The following RSPH14 variants were observed in gnomAD, a reference collection of about 807,000 sequenced individuals.
The protein encoded by RSPH14 is radial spoke head 14 homolog.
RSPH14 carries 20 observed loss-of-function variants against 26.7 expected under a neutral mutation model. The ratio of observed to expected loss-of-function variants is 0.75; its 90% CI spans 0.53 to 1.09. The LOEUF (loss-of-function observed/expected upper bound fraction) is 1.09. Ranked by LOEUF, RSPH14 falls within the 50% of genes least tolerant of loss-of-function variation. RSPH14 has a pLI of 0.00. For missense variants in RSPH14, 449 were observed against 457.2 expected, an observed-to-expected ratio of 0.98 and a Z score of 0.16; for synonymous variants, 177 against 189.3, an observed-to-expected ratio of 0.93 and a Z score of 0.53.
At chr22:23,159,318 C>A in the RSPH14 span, 43 of 1,435,624 alleles carry the variant, frequency 3.0e-5, no homozygotes, top group African/African-American at 2.5e-4. Flanking sequence ...TCCTGTGGGG[C>A]CTGCCATGCA....
chr22:23,110,124 G>A (rs1377021291), intron 4 of RSPH14, among the ~76,000 whole-genome samples: 1 of 152,240 alleles, frequency 6.6e-6, no homozygotes, highest in Non-Finnish European at 1.5e-5. Flanking sequence ...AGCAGTGGGA[G>A]GATGACCAGG....
At chr22:23,114,006 A>T (rs1377109757) in intron 4 of RSPH14, among the ~76,000 whole-genome samples, 1 of 152,190 alleles carries the variant, frequency 6.6e-6, no homozygotes, top group African/African-American at 2.4e-5. Flanking sequence ...CCACAAAGGG[A>T]GGCCCAGAGG....
intron 4 of RSPH14, among the ~76,000 whole-genome samples, chr22:23,078,190 G>A (rs945435341): frequency 6.6e-6 from 1 of 152,244 alleles, no homozygotes; most frequent in Non-Finnish European, 1.5e-5. Context: ...GATATGCTGT[G>A]CAAACATATT....
At chr22:23,096,585 G>A (rs2069131660) in intron 4 of RSPH14, among the ~76,000 whole-genome samples, 1 of 152,204 alleles carries the variant, frequency 6.6e-6, no homozygotes, top group South Asian at 2.1e-4. Context: ...GGGGGCAGAG[G>A]GAACAGGGTG....
chr22:23,095,630 C>A (rs2069102055), intron 4 of RSPH14: 1 of 1,526,972 alleles, frequency 6.5e-7, no homozygotes, highest in Non-Finnish European at 8.8e-7. Flanking sequence ...GTCTCAGTGT[C>A]CCCTGTGGCA....
intron 4 of RSPH14, among the ~76,000 whole-genome samples, chr22:23,133,615 A>G (rs1012161817): frequency 6.6e-6 from 1 of 152,052 alleles, no homozygotes; most frequent in Non-Finnish European, 1.5e-5. Context: ...CTTAAGACAG[A>G]GTCTCGCACT....
chr22:23,092,742 G>T (rs1024228431), intron 4 of RSPH14, among the ~76,000 whole-genome samples: 3 of 152,204 alleles, frequency 2.0e-5, no homozygotes, highest in Admixed American at 6.5e-5. Flanking sequence ...CAGCCTTGGA[G>T]CCAGGGAGCA....
At chr22:23,155,892 C>G in the RSPH14 span, 24 of 1,380,006 alleles carry the variant, frequency 1.7e-5, no homozygotes, top group Non-Finnish European at 2.3e-5. Flanking sequence ...ACCCATGGTC[C>G]CGTAGCCTGT....
the RSPH14 span, chr22:23,157,982 G>A: frequency 5.0e-6 from 8 of 1,614,048 alleles, no homozygotes; most frequent in East Asian, 4.5e-5. Context: ...GGCTTTTTCC[G>A]GGTGTCTAGT....
At chr22:23,141,796 C>G (rs1316932792) in intron 1 of RSPH14, among the ~76,000 whole-genome samples, 153 bp downstream of exon 1, 1 of 152,204 alleles carries the variant, frequency 6.6e-6, no homozygotes, top group Non-Finnish European at 1.5e-5. Flanking sequence ...AGACAGGGGC[C>G]TGCCTTCTTC....
At chr22:23,153,777 A>G in the RSPH14 span, among the ~76,000 whole-genome samples, 1 of 142,106 alleles carries the variant, frequency 7.0e-6, no homozygotes, top group African/African-American at 2.7e-5. Flanking sequence ...GCTCACTGCA[A>G]CCTCCACTTC....
At chr22:23,080,737 G>T (rs1020859486) in intron 4 of RSPH14, among the ~76,000 whole-genome samples, 3 of 152,232 alleles carry the variant, frequency 2.0e-5, no homozygotes, top group African/African-American at 7.2e-5. Context: ...TTTCATGTGC[G>T]TATGCTCTCA....
upstream of RSPH14, chr22:23,145,139 T>A (rs1005985334): frequency 1.7e-6 from 1 of 585,950 alleles, no homozygotes; most frequent in Non-Finnish European, 3.0e-6. Flanking sequence ...TCTTATGCCA[T>A]AACCGCCCAA....
the RSPH14 span, chr22:23,153,557 G>A: frequency 1.0e-6 from 1 of 985,172 alleles, no homozygotes; most frequent in African/African-American, 1.7e-5. Flanking sequence ...GTCCCTGCAT[G>A]CCAGGCTTGG....
the RSPH14 span, among the ~76,000 whole-genome samples, chr22:23,155,219 C>T: frequency 6.6e-6 from 1 of 152,156 alleles, no homozygotes; most frequent in Non-Finnish European, 1.5e-5. Context: ...ATCAGTTGAC[C>T]TCAAAAAGCG....
At chr22:23,063,039 T>C (rs1806062907) in intron 5 of RSPH14, among the ~76,000 whole-genome samples, 1 of 151,984 alleles carries the variant, frequency 6.6e-6, no homozygotes. Context: ...ACAGTGGACA[T>C]GGGAGGACAG....
At chr22:23,141,369 G>GAC (rs373529565) in intron 1 of RSPH14, among the ~76,000 whole-genome samples, 2,644 of 148,642 alleles carry the variant, frequency 0.018, 35 homozygotes, top group Middle Eastern at 0.1. Context: ...TTTTATTGCC[G>GAC]ACACACACAC....
chr22:23,157,005 C>T, the RSPH14 span, among the ~76,000 whole-genome samples: 9 of 152,322 alleles, frequency 5.9e-5, no homozygotes, highest in South Asian at 6.2e-4. Flanking sequence ...AGCCCCTGTC[C>T]GGCCCTGGTC....
intron 4 of RSPH14, among the ~76,000 whole-genome samples, chr22:23,098,331 C>G (rs2069184035): frequency 6.6e-6 from 1 of 152,190 alleles, no homozygotes; most frequent in South Asian, 2.1e-4. Flanking sequence ...TCTGACCTAG[C>G]CCGGCACCTG....
Sources: allele counts gnomAD v4.1 joint callset (sites outside exome capture counted in the v4.1 genomes callset), GRCh38; gene constraint gnomAD v4.1.1; transcripts MANE v1.5; gene names NCBI Gene and HGNC (gene_info 2026-07-23, HGNC 2026-07-21).